Variants in TET2 observed in about 807,000 individuals in gnomAD.
The protein encoded by TET2 is tet methylcytosine dioxygenase 2, also known as methylcytosine dioxygenase TET2.
Under a neutral mutation model 142.9 loss-of-function variants are expected in TET2, and 299 were observed. The ratio of observed to expected loss-of-function variants is 2.09; its 90% CI spans 1.90 to 2.30. The LOEUF (loss-of-function observed/expected upper bound fraction) is 2.30, where lower values mean the gene tolerates loss of function less well. TET2 is among the 30% of genes most tolerant of loss of function. The probability of loss-of-function intolerance (pLI) is 0.00; values close to 1 mark genes in which losing one functional copy is unlikely to be tolerated. For synonymous variants in TET2, 819 were observed against 849.0 expected, an observed-to-expected ratio of 0.96 and a Z score of 0.61; for missense variants, 2,418 against 2,378.0, an observed-to-expected ratio of 1.02 and a Z score of -0.35.
chr4:105,148,671 A>T (rs566863507), intron 1 of TET2, among the ~76,000 whole-genome samples: 1 of 152,334 alleles, frequency 6.6e-6, no homozygotes, highest in South Asian at 2.1e-4. Flanking sequence ...GTTCTTTTAC[A>T]TGTTTGTATG....
Position 105,236,542 on chromosome 4 carries a change from AT to A in TET2, c.2604del (p.Pro869GlnfsTer4), listed in dbSNP as rs2110234378. On this transcript the variant is annotated frameshift_variant, in exon 3 of 11. Coordinates refer to ENST00000380013, the MANE Select transcript of TET2 (RefSeq NM_001127208.3). LOFTEE classifies it high-confidence loss of function. Reference sequence around the variant, plus strand: ...ACCCAAAACTTGCATCACATGCAATATTTTCCAAATAATGTGATCCCAAAGC... The same window carrying A: ...ACCCAAAACTTGCATCACATGCAATATTTCCAAATAATGTGATCCCAAAGC... ...NKTQNLHHMQ[Y>X]FPNNVIPKQD... 3 of 1,614,070 alleles carry A rather than the reference AT, an allele frequency of 1.9e-6. No individual in the cohort carries two copies. Among genetic ancestry groups the A allele is most frequent in the Non-Finnish European group, 2.5e-6 (3 of 1,179,994 alleles).
At chr4:105,221,950 T>G (rs1727852760) in intron 2 of TET2, among the ~76,000 whole-genome samples, 1 of 145,176 alleles carries the variant, frequency 6.9e-6, no homozygotes, top group African/African-American at 2.6e-5. Flanking sequence ...CACCTATGAG[T>G]GAGAATATGC....
At chr4:105,211,757 A>G (rs1328476844) in intron 2 of TET2, among the ~76,000 whole-genome samples, 1 of 152,212 alleles carries the variant, frequency 6.6e-6, no homozygotes, top group East Asian at 1.9e-4. Flanking sequence ...ATAGAGGCAG[A>G]AGATGCATGC....
At chr4:105,241,506 C>T in intron 4 of TET2, 77 bp downstream of exon 4, 1 of 1,499,638 alleles carries the variant, frequency 6.7e-7, no homozygotes, top group East Asian at 2.5e-5. Context: ...CCTTCACACA[C>T]AAAGCAGTAA....
chr4:105,266,013 T>C (rs1025346199), intron 8 of TET2, among the ~76,000 whole-genome samples: 8 of 152,096 alleles, frequency 5.3e-5, no homozygotes, highest in Admixed American at 2.0e-4. Flanking sequence ...GAGAGTGTTA[T>C]TGAGAAAAGC....
intron 2 of TET2, among the ~76,000 whole-genome samples, chr4:105,213,115 A>T (rs1415212312): frequency 1.3e-5 from 2 of 152,204 alleles, no homozygotes; most frequent in Non-Finnish European, 2.9e-5. Context: ...TAGTTTTACA[A>T]GCTTGAGTTT....
chr4:105,258,484 G>C lies in TET2; in HGVS notation c.3804-1135G>C, dbSNP rs533669092. Among the ~76,000 whole-genome samples the C allele has an allele frequency of 4.9e-4, 75 of 152,142 alleles. 1 individual carries two copies. The South Asian group carries it at 0.015, about 29-fold the overall frequency. On this transcript the variant is annotated intron_variant, in intron 6 of 10. Coordinates refer to ENST00000380013, the MANE Select transcript of TET2 (RefSeq NM_001127208.3). Reference sequence around the variant, plus strand: ...AGATTTTGATGGGAAATTATATTTAGAGATCACAATCAGTGTCTAGATGTG... The same window carrying C: ...AGATTTTGATGGGAAATTATATTTACAGATCACAATCAGTGTCTAGATGTG...
chr4:105,195,541 G>A (rs1265779841), intron 2 of TET2, among the ~76,000 whole-genome samples: 1 of 152,064 alleles, frequency 6.6e-6, no homozygotes, highest in African/African-American at 2.4e-5. Flanking sequence ...ATATAAAATA[G>A]TGCAGTATTT....
chr4:105,200,576 T>C (rs1726394595), intron 2 of TET2, among the ~76,000 whole-genome samples: 1 of 152,214 alleles, frequency 6.6e-6, no homozygotes. Flanking sequence ...ATTTTTGCTA[T>C]GAACTGGATC....
intron 1 of TET2, among the ~76,000 whole-genome samples, chr4:105,181,682 A>G (rs544117131): frequency 3.0e-4 from 46 of 152,350 alleles, no homozygotes; most frequent in African/African-American, 1.0e-3. Flanking sequence ...ATGCTTATTC[A>G]TAGGCAATCA....
intron 1 of TET2, among the ~76,000 whole-genome samples, chr4:105,182,927 C>G (rs1366592637): frequency 6.6e-6 from 1 of 152,060 alleles, no homozygotes; most frequent in Non-Finnish European, 1.5e-5. Context: ...GATATTTGGG[C>G]TATAAATAAT....
intron 2 of TET2, among the ~76,000 whole-genome samples, chr4:105,219,671 C>A (rs1483884794): frequency 2.0e-4 from 30 of 151,878 alleles, no homozygotes; most frequent in Admixed American, 2.0e-3. Flanking sequence ...TTTTGCCATT[C>A]TTGATTTTAG....
intron 2 of TET2, among the ~76,000 whole-genome samples, chr4:105,207,595 CAA>C (rs1726904453): frequency 6.6e-6 from 1 of 151,986 alleles, no homozygotes; most frequent in African/African-American, 2.4e-5. Context: ...AGACTGGTCA[CAA>C]TGGCAGCTCT....
At chr4:105,222,386 C>G (rs1029891210) in intron 2 of TET2, among the ~76,000 whole-genome samples, 70 of 152,288 alleles carry the variant, frequency 4.6e-4, no homozygotes, top group Non-Finnish European at 2.8e-4. Context: ...GTTGTGTCCT[C>G]ACTTTTTAAT....
intron 3 of TET2, chr4:105,238,901 TA>T: frequency 4.2e-6 from 1 of 239,824 alleles, no homozygotes. Flanking sequence ...ATATATTTCT[TA>T]AATGATAAGA....
chr4:105,234,741 C>T lies in TET2; in HGVS notation c.799C>T (p.Pro267Ser), dbSNP rs370173624. The T allele has an allele frequency of 2.5e-5, 40 of 1,613,832 alleles. No homozygotes were observed. The highest frequency in any genetic ancestry group is 3.4e-5 in the Non-Finnish European group (40 of 1,179,968). ...TNELSCEITH[P>S]SHTSGQINSA... ...TGAGTTGTCCTGTGAGATCACTCAC[C>T]CATCGCATACCTCAGGGCAGATCAA... The change falls in exon 3 of 11, where the codon CCA (proline) becomes TCA (serine). Residue 267 changes from proline to serine, a missense_variant. Transcript: ENST00000380013.
At chr4:105,148,377 A>G (rs981733487) in intron 1 of TET2, among the ~76,000 whole-genome samples, 4 of 152,166 alleles carry the variant, frequency 2.6e-5, no homozygotes, top group African/African-American at 9.7e-5. Flanking sequence ...ATATTTATAT[A>G]TTTACGTGTC....
At chr4:105,179,920 G>C (rs1725018080) in intron 1 of TET2, among the ~76,000 whole-genome samples, 1 of 152,198 alleles carries the variant, frequency 6.6e-6, no homozygotes, top group Admixed American at 6.5e-5. Flanking sequence ...CAAGAGGAAA[G>C]TTTTTCTAGC....
At chr4:105,268,785 A>C (rs1048701249) in intron 8 of TET2, among the ~76,000 whole-genome samples, 2 of 152,136 alleles carry the variant, frequency 1.3e-5, no homozygotes, top group Non-Finnish European at 2.9e-5. Flanking sequence ...CAGCCTGGCC[A>C]ACATGGCAAA....
Sources: allele counts gnomAD v4.1 joint callset (sites outside exome capture counted in the v4.1 genomes callset), GRCh38; gene constraint gnomAD v4.1.1; transcripts MANE v1.5; gene names NCBI Gene and HGNC (gene_info 2026-07-23, HGNC 2026-07-21).